The following EXOC4 variants were observed in gnomAD, a reference collection of about 807,000 sequenced individuals.
EXOC4 encodes the protein SEC8-like 1.
A neutral mutation model predicts 107.2 loss-of-function variants in EXOC4; 71 were observed. The ratio of observed to expected loss-of-function variants is 0.66; its 90% CI spans 0.55 to 0.81. The LOEUF is 0.81. EXOC4 is among the 30% of genes least tolerant of loss of function. The pLI is 0.00. For synonymous variants in EXOC4, 456 were observed against 441.2 expected (o/e 1.03, Z -0.42); for missense variants, 1,108 against 1,189.6 (o/e 0.93, Z 1.01).
rs190536113 is a variant in EXOC4, at chr7:133,340,556, G to A, written c.764-15774G>A. ...CTGGCTTCATAGAATGATTTAGGGA[G>A]GATTCTCTCTTTTTCTATCTTGTGG... is the stretch of plus-strand genomic sequence containing the variant. On this transcript the variant is annotated intron_variant, in intron 5 of 17. Coordinates refer to ENST00000253861, the MANE Select transcript of EXOC4 (RefSeq NM_021807.4). 2.6e-5 allele frequency among the ~76,000 whole-genome samples: 4 copies of A among 151,850 alleles called. No individual in the cohort carries two copies. In the East Asian group the frequency reaches 7.7e-4, roughly 29 times the overall value.
chr7:133,926,042 CAAAAAAAA>C (rs552126104), intron 13 of EXOC4, among the ~76,000 whole-genome samples: 2 of 104,712 alleles, frequency 1.9e-5, no homozygotes, highest in African/African-American at 6.8e-5. Flanking sequence ...GACTCCGTCT[CAAAAAAAA>C]AAAAAAAAAA....
rs59990439 is a variant in EXOC4, at chr7:133,819,504, CATGG to C, written c.1734+1987_1734+1990del. ...TAACTTACTGGATGAATGCATGTTGCATGGATGGATGGATGGATGGATGGATGGA... is the reference window on the plus strand; with the variant it reads ...TAACTTACTGGATGAATGCATGTTGCATGGATGGATGGATGGATGGATGGA... On this transcript the variant is annotated intron_variant, in intron 11 of 17. Coordinates refer to ENST00000253861, the MANE Select transcript of EXOC4 (RefSeq NM_021807.4). Among the ~76,000 whole-genome samples, 42 of 151,596 alleles carry C rather than the reference CATGG, an allele frequency of 2.8e-4. 1 individual carries two copies. The South Asian group carries it at 4.2e-3, about 15-fold the overall frequency.
chr7:133,260,020 C>T (rs988192069), intron 1 of EXOC4, among the ~76,000 whole-genome samples: 6 of 139,268 alleles, frequency 4.3e-5, no homozygotes, highest in African/African-American at 1.5e-4. Context: ...TCCTTCTCTA[C>T]CAGTTTTTTC....
At chr7:134,063,372 G>A (rs976598762) in intron 17 of EXOC4, among the ~76,000 whole-genome samples, 2 of 152,130 alleles carry the variant, frequency 1.3e-5, no homozygotes, top group Non-Finnish European at 2.9e-5. Flanking sequence ...CTCACTTATG[G>A]CACACAGAAT....
intron 5 of EXOC4, among the ~76,000 whole-genome samples, chr7:133,324,582 T>C (rs963451516): frequency 6.6e-6 from 1 of 152,180 alleles, no homozygotes; most frequent in Non-Finnish European, 1.5e-5. Flanking sequence ...AGACAGTTTG[T>C]TGTGATTTCT....
chr7:133,834,569 A>G (rs1797878357), intron 11 of EXOC4, among the ~76,000 whole-genome samples: 1 of 152,204 alleles, frequency 6.6e-6, no homozygotes, highest in Non-Finnish European at 1.5e-5. Flanking sequence ...TTTTCTAAGA[A>G]TCCTTTGTTC....
intron 9 of EXOC4, among the ~76,000 whole-genome samples, chr7:133,488,337 C>T (rs532484952): frequency 6.6e-6 from 1 of 152,196 alleles, no homozygotes; most frequent in African/African-American, 2.4e-5. Context: ...TCTATTTAAT[C>T]TTATTTCACA....
At chr7:133,311,887 T>G (rs1259379207) in intron 4 of EXOC4, among the ~76,000 whole-genome samples, 2 of 152,074 alleles carry the variant, frequency 1.3e-5, no homozygotes, top group African/African-American at 4.8e-5. Flanking sequence ...ATTTGAAAAA[T>G]TAAATGCAGT....
chr7:133,818,854 A>AT (rs2151217962), intron 11 of EXOC4, among the ~76,000 whole-genome samples: 1 of 152,148 alleles, frequency 6.6e-6, no homozygotes, highest in South Asian at 2.1e-4. Flanking sequence ...AGCCCCATCC[A>AT]TTGTCAATAC....
chr7:133,278,657 G>A (rs974958748), intron 2 of EXOC4, among the ~76,000 whole-genome samples: 7 of 152,134 alleles, frequency 4.6e-5, no homozygotes, highest in Non-Finnish European at 1.0e-4. Flanking sequence ...AGTGGCAGGA[G>A]AGAGATGAGA....
At chr7:133,576,449 A>T (rs10278948) in intron 9 of EXOC4, 121 of 1,230,138 alleles carry the variant, frequency 9.8e-5, no homozygotes, top group Non-Finnish European at 1.3e-4. Context: ...CACTTAAAAA[A>T]TTATTTAACC....
chr7:133,868,472 C>T (rs1475840462), intron 11 of EXOC4, among the ~76,000 whole-genome samples: 1 of 152,198 alleles, frequency 6.6e-6, no homozygotes, highest in East Asian at 1.9e-4. Context: ...TTTATTCCTT[C>T]CAGAAAATAA....
At chr7:133,768,773 A>G (rs948627447) in intron 10 of EXOC4, among the ~76,000 whole-genome samples, 2 of 151,972 alleles carry the variant, frequency 1.3e-5, no homozygotes, top group Admixed American at 1.3e-4. Context: ...TATTAAGTGC[A>G]AGAGTAAAAA....
chr7:133,535,730 C>G (rs1438016026), intron 9 of EXOC4, among the ~76,000 whole-genome samples: 1 of 151,556 alleles, frequency 6.6e-6, no homozygotes, highest in African/African-American at 2.4e-5. Context: ...GATTTCAGCC[C>G]TGGAATCATA....
intron 9 of EXOC4, among the ~76,000 whole-genome samples, chr7:133,607,430 T>C (rs148096492): frequency 7.7e-4 from 117 of 152,320 alleles, no homozygotes; most frequent in African/African-American, 2.6e-3. Context: ...GCATATGGTG[T>C]TGGATCTCAG....
chr7:133,903,159 G>A (rs1585236489), intron 12 of EXOC4, among the ~76,000 whole-genome samples: 2 of 152,332 alleles, frequency 1.3e-5, no homozygotes, highest in South Asian at 4.1e-4. Flanking sequence ...GCGAGAGGAG[G>A]AAGGGTATTG....
rs148675733 is a variant in EXOC4 at position 133,987,974 on chromosome 7, G to T, written c.2207-9518G>T. ...TAAGACCTAAACAGATTTCAGTCTG[G>T]TTAATATTAGGATGTGGAACCACTT... is the stretch of plus-strand genomic sequence containing the variant. On this transcript the variant is annotated intron_variant, in intron 14 of 17. Transcript: ENST00000253861. 2.4e-4 allele frequency among the ~76,000 whole-genome samples: 36 copies of T among 152,280 alleles called. No homozygotes were observed. In the East Asian group the frequency reaches 6.8e-3, roughly 29 times the overall value.
At chr7:133,824,787 G>A (rs144657871) in intron 11 of EXOC4, among the ~76,000 whole-genome samples, 15 of 152,134 alleles carry the variant, frequency 9.9e-5, no homozygotes, top group African/African-American at 2.4e-4. Context: ...GTAACGTGGC[G>A]TTCTCCCGTG....
chr7:134,033,862 A>T (rs545982664), intron 17 of EXOC4, among the ~76,000 whole-genome samples: 1 of 152,254 alleles, frequency 6.6e-6, no homozygotes, highest in Non-Finnish European at 1.5e-5. Context: ...ATAATGAAGC[A>T]TTCTTTCTCA....
Sources: gnomAD v4.1 joint callset for allele counts (sites outside exome capture counted in the v4.1 genomes callset) on GRCh38, gnomAD v4.1.1 for gene constraint, MANE v1.5 for transcripts, NCBI Gene and HGNC (gene_info 2026-07-23, HGNC 2026-07-21) for gene names.